Variants in IGFN1 observed in about 807,000 individuals in gnomAD.
The protein encoded by IGFN1 is immunoglobulin-like and fibronectin type III domain-containing protein 1.
IGFN1 carries 253 observed loss-of-function variants against 289.5 expected under a neutral mutation model. That is an observed-to-expected ratio of 0.87 (90% CI 0.79 to 0.97). The LOEUF (loss-of-function observed/expected upper bound fraction) is 0.97. IGFN1 is among the 50% of genes least tolerant of loss of function. The pLI is 0.00. For missense variants in IGFN1, 4,470 were observed against 4,686.1 expected (o/e 0.95, Z 1.35); for synonymous variants, 1,706 against 1,788.5 (o/e 0.95, Z 1.16).
At chr1:201,205,779 C>T (rs565317729) in intron 11 of IGFN1, among the ~76,000 whole-genome samples, 5 of 152,348 alleles carry the variant, frequency 3.3e-5, no homozygotes, top group East Asian at 1.9e-4. Context: ...GCACCTGCTG[C>T]GGCAGTTTGA....
intron 12 of IGFN1, 46 bp from the exon 13 acceptor site, chr1:201,214,131 T>C: frequency 6.5e-7 from 1 of 1,548,296 alleles, no homozygotes; most frequent in Non-Finnish European, 8.7e-7. Context: ...GCGCAGGCCA[T>C]GGCCTGGGGC....
chr1:201,213,736 C>G (rs1667956038), intron 12 of IGFN1, 115 bp downstream of exon 12: 2 of 818,770 alleles, frequency 2.4e-6, no homozygotes, highest in Non-Finnish European at 3.8e-6. Flanking sequence ...GAGTTTGTCC[C>G]TGCCAGTGCT....
At chr1:201,226,842 G>C in intron 22 of IGFN1, 40 bp from the exon 23 acceptor site, 1 of 1,487,948 alleles carries the variant, frequency 6.7e-7, no homozygotes, top group Non-Finnish European at 9.1e-7. Context: ...GGCCTTCCTC[G>C]CTTTCTCACC....
At position 201,211,415 on chromosome 1, in the gene IGFN1, T is replaced by A; in HGVS notation, c.6522T>A (p.Asp2174Glu). 1 of 1,500,150 alleles carries A rather than the reference T, an allele frequency of 6.7e-7. No individual in the cohort carries two copies. The highest frequency in any genetic ancestry group is 2.6e-5 in the East Asian group (1 of 38,158). The allele number at this position is 1,500,150 out of a possible 1,614,324, so 92.9% of individuals were successfully genotyped here. Reference sequence around the variant, plus strand: ...GTTCTGGGGAAATGGGGTCAATGGATGAGGCAGGTTATAGGAAGGATTTGG... The same window carrying A: ...GTTCTGGGGAAATGGGGTCAATGGAAGAGGCAGGTTATAGGAAGGATTTGG... ...LGSSGEMGSM[D>E]EAGYRKDLGA... Residue 2174 changes from aspartate to glutamate, a missense_variant, in exon 12 of 24, where the codon GAT (aspartate) becomes GAA (glutamate). Around this residue, in one of 8 missense-constraint regions of IGFN1, gnomAD observed 2,218 missense variants for 2,114.1 expected, o/e 1.05. Coordinates refer to ENST00000335211, the MANE Select transcript of IGFN1 (RefSeq NM_001164586.2).
rs957821399 is a variant in IGFN1, at chr1:201,213,228, G to A, written c.8335G>A (p.Gly2779Arg). Residue 2779 changes from glycine (G) to arginine (R), a missense_variant, in exon 12 of 24, where the codon GGG becomes AGG. This residue lies in a region of IGFN1 where 2,218 missense variants were observed against 2,114.1 expected (regional missense o/e 1.05). Transcript: ENST00000335211. The stretch of plus-strand genomic sequence containing the variant: ...AGGAAAGAGGTCCCTCGGGGAGCAG[G>A]GGTCCCTGGAGGCTGAGAATGGTGA... ...RGGKRSLGEQGSLEAENGEVQ... is the reference protein window; with the variant it reads ...RGGKRSLGEQRSLEAENGEVQ... 11 of 1,551,630 alleles carry A rather than the reference G, an allele frequency of 7.1e-6. No homozygotes were observed. Among genetic ancestry groups the A allele is most frequent in the African/African-American group, 1.4e-5 (1 of 73,042 alleles).
chr1:201,206,263 T>C lies in IGFN1; in HGVS notation c.1370T>C (p.Ile457Thr). 4 of 1,548,292 alleles carry C rather than the reference T, an allele frequency of 2.6e-6. No homozygotes were observed. In the South Asian group the frequency reaches 3.6e-5, roughly 14 times the overall value. Residue 457 changes from isoleucine (I) to threonine (T), a missense_variant, in exon 12 of 24, where the codon ATA becomes ACA. Transcript: ENST00000335211. Reference sequence around the variant, plus strand: ...GGGCCGGCTTCTGGGCTCCAGCACATAGCCAGCCCAGACAGGGATGGCCTT... The same window carrying C: ...GGGCCGGCTTCTGGGCTCCAGCACACAGCCAGCCCAGACAGGGATGGCCTT... Reference protein sequence around the residue: ...GAGPASGLQHIASPDRDGLGR... With the variant: ...GAGPASGLQHTASPDRDGLGR...
rs1654266743 is a variant in IGFN1 at position 201,228,547 on chromosome 1, G to A, written c.*148G>A. The A allele has an allele frequency of 4.7e-6, 4 of 852,258 alleles. No homozygotes were observed. Among genetic ancestry groups the A allele is most frequent in the East Asian group, 2.5e-5 (1 of 40,806 alleles). 52.8% of individuals were successfully genotyped at this position (852,258 alleles called of 1,614,324 possible). A position where few individuals can be genotyped will look rare whatever the true frequency, so the allele number is the denominator to read the frequency against. On this transcript the variant is annotated 3_prime_UTR_variant, in exon 24 of 24. Coordinates refer to ENST00000335211, the MANE Select transcript of IGFN1 (RefSeq NM_001164586.2). Reference sequence around the variant, plus strand: ...AAGATGCCTGGCGAGGTTTTGGCCAGGAGGACGTGAAGTCCTTGGGGAAGA... The same window carrying A: ...AAGATGCCTGGCGAGGTTTTGGCCAAGAGGACGTGAAGTCCTTGGGGAAGA...
intron 5 of IGFN1, among the ~76,000 whole-genome samples, chr1:201,199,112 G>C (rs1279547799): frequency 6.6e-6 from 1 of 152,156 alleles, no homozygotes; most frequent in Non-Finnish European, 1.5e-5. Flanking sequence ...TGCTTAGGTT[G>C]GTCCCCTTGG....
chr1:201,218,585 C>T lies in IGFN1; in HGVS notation c.9825C>T (p.Val3275=). The change falls in exon 18 of 24, where the codon GTC becomes GTT. Residue 3275 remains valine, a synonymous_variant. Transcript: ENST00000335211. ...VRQGCQYEFR[V]TAVAPSGPGE... is the part of the protein sequence containing the mutation. ...AGGGCTGTCAGTATGAGTTCCGGGT[C>T]ACAGCTGTGGCTCCCTCAGGTCCCG... is the stretch of plus-strand genomic sequence containing the variant. The T allele has an allele frequency of 6.2e-7, 1 of 1,613,352 alleles. No homozygotes were observed. Among genetic ancestry groups the T allele is most frequent in the Non-Finnish European group, 8.5e-7 (1 of 1,179,968 alleles).
Position 201,224,682 on chromosome 1 carries a change from A to T in IGFN1, c.10294A>T (p.Met3432Leu). ...TTTCCTTCCTCTCCTTTCTCAGGCC[A>T]TGCCCATGCCTGAGGTGACCTGGCT... is the stretch of plus-strand genomic sequence containing the variant. ...TVRVPVSFEA[M>L]PMPEVTWLKD... is the part of the protein sequence containing the mutation. The change falls in exon 21 of 24, where the codon ATG (methionine) becomes TTG (leucine). Residue 3432 changes from methionine to leucine, a missense_variant. By Grantham distance (15) the Met-to-Leu change is conservative. Coordinates refer to ENST00000335211, the MANE Select transcript of IGFN1 (RefSeq NM_001164586.2). 6.2e-7 allele frequency: 1 copy of T among 1,613,844 alleles called. No homozygotes were observed.
Position 201,210,865 on chromosome 1 carries a change from G to T in IGFN1, c.5972G>T (p.Gly1991Val). Residue 1991 changes from glycine to valine, a missense_variant, in exon 12 of 24, where the codon GGG becomes GTG. Physicochemically the swap from Gly to Val is moderately radical, Grantham distance 109. Around this residue, in one of 8 missense-constraint regions of IGFN1, gnomAD observed 108 missense variants for 128.7 expected, o/e 0.84. Transcript: ENST00000335211. ...GGTTTAGGGGGTTCTGAGGAAATGG[G>T]GTCAATGGATGAGGCAGGTTATAGG... ...RDGLGGSEEMGSMDEAGYRKD... is the reference protein window; with the variant it reads ...RDGLGGSEEMVSMDEAGYRKD... The T allele has an allele frequency of 3.3e-6, 5 of 1,530,218 alleles. No homozygotes were observed. The South Asian group carries it at 3.6e-5, about 11-fold the overall frequency. The allele number at this position is 1,530,218 out of a possible 1,614,324, so 94.8% of individuals were successfully genotyped here.
Position 201,208,201 on chromosome 1 carries a change from G to T in IGFN1, c.3308G>T (p.Gly1103Val). 1 of 1,536,940 alleles carries T rather than the reference G, an allele frequency of 6.5e-7. No homozygotes were observed. Among genetic ancestry groups the T allele is most frequent in the Non-Finnish European group, 8.7e-7 (1 of 1,146,830 alleles). The part of the protein sequence containing the change: ...APGVVETVGM[G>V]CVEAEPESSG... ...GGAGTAGTGGAGACTGTTGGGATGGGATGTGTGGAAGCAGAACCAGAGAGC... is the reference window on the plus strand; with the variant it reads ...GGAGTAGTGGAGACTGTTGGGATGGTATGTGTGGAAGCAGAACCAGAGAGC... The change falls in exon 12 of 24, where the codon GGA (glycine) becomes GTA (valine). Residue 1103 changes from glycine (G) to valine (V), a missense_variant. Physicochemically the swap from Gly to Val is moderately radical, Grantham distance 109. Transcript: ENST00000335211.
rs376642603 is a variant in IGFN1 at position 201,227,036 on chromosome 1, G to T, written c.10941G>T (p.Trp3647Cys). ...GCTCGCCCCGGCCCCACGTCACCTG[G>T]TTCAAGAATGACCGCAGCCTGGAAG... ...VQGSPRPHVTWFKNDRSLEGN... is the reference protein window; with the variant it reads ...VQGSPRPHVTCFKNDRSLEGN... Residue 3647 changes from tryptophan to cysteine, a missense_variant, in exon 23 of 24, where the codon TGG becomes TGT. This residue lies in a region of IGFN1 where 2,218 missense variants were observed against 2,114.1 expected (regional missense o/e 1.05). Coordinates refer to ENST00000335211, the MANE Select transcript of IGFN1 (RefSeq NM_001164586.2). The T allele has an allele frequency of 1.9e-6, 3 of 1,613,510 alleles. No homozygotes were observed. The highest frequency in any genetic ancestry group is 2.2e-5 in the South Asian group (2 of 91,094).
intron 3 of IGFN1, among the ~76,000 whole-genome samples, chr1:201,195,431 C>T (rs1666874935): frequency 3.3e-5 from 5 of 152,166 alleles, no homozygotes; most frequent in African/African-American, 9.7e-5. Flanking sequence ...GGATTACATG[C>T]GTGAGCCCCT....
At chr1:201,197,133 T>G (rs1211718092) in intron 4 of IGFN1, 85 bp from the exon 5 acceptor site, 6 of 802,990 alleles carry the variant, frequency 7.5e-6, no homozygotes, top group Admixed American at 4.1e-5. Flanking sequence ...CTTACTCACT[T>G]TATACCCCCA....
intron 9 of IGFN1, 133 bp from the exon 10 acceptor site, chr1:201,203,605 T>C (rs547957562): frequency 2.6e-6 from 2 of 778,242 alleles, no homozygotes; most frequent in East Asian, 2.7e-5. Context: ...CCAGCTCCTC[T>C]ATGGTTCCAG....
rs1309752589 is a variant in IGFN1 at position 201,211,346 on chromosome 1, A to T, written c.6453A>T (p.Gly2151=). The change falls in exon 12 of 24, where the codon GGA becomes GGT. Residue 2151 remains glycine, a synonymous_variant. Transcript: ENST00000335211. ...GYRKDLGAPK[G]MGSESKAGFR... is the part of the protein sequence containing the mutation. ...GGAAGGATTTGGGGGCTCCTAAGGG[A>T]ATGGGTTCAGAGAGTAAGGCAGGTT... The T allele has an allele frequency of 6.7e-7, 1 of 1,490,764 alleles. No homozygotes were observed. Among genetic ancestry groups the T allele is most frequent in the Non-Finnish European group, 8.9e-7 (1 of 1,117,988 alleles). The allele number at this position is 1,490,764 out of a possible 1,614,324, so 92.3% of individuals were successfully genotyped here. A position where few individuals can be genotyped will look rare whatever the true frequency, so the allele number is the denominator to read the frequency against.
intron 18 of IGFN1, among the ~76,000 whole-genome samples, chr1:201,220,182 T>TTCTCTC (rs3057870): frequency 7.1e-6 from 1 of 141,840 alleles, no homozygotes; most frequent in African/African-American, 2.7e-5. Context: ...ATCCCTTTCT[T>TTCTCTC]TCTCTCTCTC....
chr1:201,209,051 G>A lies in IGFN1; in HGVS notation c.4158G>A (p.Glu1386=), dbSNP rs978932496. The stretch of plus-strand genomic sequence containing the variant: ...ATAGGAAAGATTTGGGGGTTCCTGA[G>A]GGAATGGGTGCAGGTTACAGGGCTG... ...TDNRKDLGVP[E]GMGAGYRAGL... is the part of the protein sequence containing the mutation. The change falls in exon 12 of 24, where the codon GAG becomes GAA. Residue 1386 remains glutamate (E), a synonymous_variant. Coordinates refer to ENST00000335211, the MANE Select transcript of IGFN1 (RefSeq NM_001164586.2). The A allele has an allele frequency of 1.3e-6, 2 of 1,536,728 alleles. No homozygotes were observed. Among genetic ancestry groups the A allele is most frequent in the African/African-American group, 2.7e-5 (2 of 72,896 alleles).
Sources: allele counts gnomAD v4.1 joint callset (sites outside exome capture counted in the v4.1 genomes callset), GRCh38; gene constraint gnomAD v4.1.1; regional missense constraint gnomAD v4.1.1; transcripts MANE v1.5; gene names NCBI Gene and HGNC (gene_info 2026-07-23, HGNC 2026-07-21).